Variants in STARD13 observed in about 807,000 individuals in gnomAD.
STARD13 encodes stAR-related lipid transfer protein 13.
A neutral mutation model predicts 106.4 loss-of-function variants in STARD13; 62 were observed. The ratio of observed to expected loss-of-function variants is 0.58; its 90% CI spans 0.48 to 0.72. STARD13 has a LOEUF of 0.72. STARD13 is among the 30% of genes least tolerant of loss of function. The pLI, the probability that STARD13 is intolerant of heterozygous loss-of-function variation, is 0.00. For synonymous variants in STARD13, 565 were observed against 553.0 expected (o/e 1.02, Z -0.31); for missense variants, 1,387 against 1,424.0 (o/e 0.97, Z 0.42).
chr13:33,601,189 T>C, the STARD13 span, among the ~76,000 whole-genome samples: 1 of 152,214 alleles, frequency 6.6e-6, no homozygotes, highest in East Asian at 1.9e-4. Flanking sequence ...AACCATTTTT[T>C]TTCCAGGTTT....
At chr13:33,513,202 G>C in the STARD13 span, among the ~76,000 whole-genome samples, 1 of 152,190 alleles carries the variant, frequency 6.6e-6, no homozygotes, top group Middle Eastern at 3.4e-3. Context: ...AGGCATATGA[G>C]GTTTATTCTC....
At chr13:33,107,335 T>C (rs1016403438) in intron 12 of STARD13, among the ~76,000 whole-genome samples, 1 of 152,040 alleles carries the variant, frequency 6.6e-6, no homozygotes. Context: ...ACCAAGGACA[T>C]AAAGATATAC....
At chr13:33,474,164 T>C in the STARD13 span, among the ~76,000 whole-genome samples, 2 of 152,292 alleles carry the variant, frequency 1.3e-5, no homozygotes, top group South Asian at 2.1e-4. Flanking sequence ...GAAAGCAAGA[T>C]GGAGTTCCAC....
At chr13:33,616,106 T>C in the STARD13 span, among the ~76,000 whole-genome samples, 1 of 149,488 alleles carries the variant, frequency 6.7e-6, no homozygotes, top group African/African-American at 2.5e-5. Context: ...TTAGATTTGC[T>C]TAAAAAAGAA....
chr13:33,413,708 A>T, the STARD13 span, among the ~76,000 whole-genome samples: 8 of 152,166 alleles, frequency 5.3e-5, no homozygotes, highest in Non-Finnish European at 1.2e-4. Flanking sequence ...ATGAGCAGAC[A>T]TTTCACTGAA....
chr13:33,288,171 G>A (rs1213193349), upstream of STARD13, among the ~76,000 whole-genome samples: 2 of 151,894 alleles, frequency 1.3e-5, no homozygotes, highest in Non-Finnish European at 2.9e-5. Flanking sequence ...TGAAAGTGCT[G>A]GGGTGTCTGG....
chr13:33,455,774 C>A, the STARD13 span, among the ~76,000 whole-genome samples: 8 of 151,684 alleles, frequency 5.3e-5, no homozygotes, highest in Middle Eastern at 3.4e-3. Flanking sequence ...ACTAAAAAAA[C>A]AACAACAACA....
chr13:33,278,131 C>G (rs1478564325), intron 1 of STARD13, among the ~76,000 whole-genome samples: 1 of 152,238 alleles, frequency 6.6e-6, no homozygotes, highest in East Asian at 1.9e-4. Flanking sequence ...TGTGACTTCC[C>G]AGTATCCTGT....
At chr13:33,194,007 GT>G (rs5802672) in intron 1 of STARD13, among the ~76,000 whole-genome samples, 30,224 of 152,010 alleles carry the variant, frequency 0.2, 3,801 homozygotes, top group South Asian at 0.36. Flanking sequence ...TTTTCAGGTT[GT>G]TTTTTTCCTG....
downstream of STARD13, among the ~76,000 whole-genome samples, chr13:33,347,599 G>A (rs2078031295): frequency 1.3e-5 from 2 of 152,120 alleles, no homozygotes; most frequent in South Asian, 2.1e-4. Context: ...TTGCCATTGT[G>A]TTACAATTGC....
chr13:33,638,340 G>A, the STARD13 span, among the ~76,000 whole-genome samples: 1,155 of 152,242 alleles, frequency 7.6e-3, 15 homozygotes, highest in African/African-American at 0.027. Context: ...TAAGACATAA[G>A]TGAGACATAA....
the STARD13 span, among the ~76,000 whole-genome samples, chr13:33,546,350 G>A: frequency 1.3e-5 from 2 of 152,016 alleles, no homozygotes; most frequent in Admixed American, 1.3e-4. Flanking sequence ...GCTTTTTGGC[G>A]GTTTATTTGC....
At chr13:33,264,686 A>G (rs1250465337) in intron 1 of STARD13, among the ~76,000 whole-genome samples, 1 of 152,164 alleles carries the variant, frequency 6.6e-6, no homozygotes, top group Non-Finnish European at 1.5e-5. Flanking sequence ...CTCCTTTGAG[A>G]AGCCTGGAAA....
At chr13:33,534,941 G>A in the STARD13 span, among the ~76,000 whole-genome samples, 8 of 152,116 alleles carry the variant, frequency 5.3e-5, no homozygotes, top group Admixed American at 2.6e-4. Flanking sequence ...GAACCGGGCC[G>A]TTTGTGGCTC....
intron 4 of STARD13, among the ~76,000 whole-genome samples, chr13:33,135,939 A>C (rs968765361): frequency 1.3e-5 from 2 of 152,162 alleles, no homozygotes; most frequent in African/African-American, 4.8e-5. Context: ...CCTGACCAAC[A>C]TGGTGAAACC....
At chr13:33,499,338 A>C in the STARD13 span, among the ~76,000 whole-genome samples, 1 of 152,116 alleles carries the variant, frequency 6.6e-6, no homozygotes, top group Non-Finnish European at 1.5e-5. Context: ...AAATAACATA[A>C]ATTTATTTCT....
At chr13:33,400,581 C>T in the STARD13 span, among the ~76,000 whole-genome samples, 1 of 152,244 alleles carries the variant, frequency 6.6e-6, no homozygotes, top group South Asian at 2.1e-4. Context: ...CCACCTCAGC[C>T]TCCCGGGTTG....
intron 1 of STARD13, among the ~76,000 whole-genome samples, chr13:33,225,764 C>A (rs7318080): frequency 0.1 from 15,413 of 150,926 alleles, 1,055 homozygotes; most frequent in African/African-American, 0.2. Context: ...AAAAAAAAAA[C>A]AACTCTTCGT....
In STARD13 at chr13:33,110,870, T is replaced by A. The variant is rs1276633378; in HGVS notation, c.2645A>T (p.Tyr882Phe). Residue 882 changes from tyrosine (Y) to phenylalanine (F), a missense_variant, in exon 11 of 14, where the codon TAT becomes TTT. Tyr to Phe is a conservative substitution (Grantham distance 22). Coordinates refer to ENST00000336934, the MANE Select transcript of STARD13 (RefSeq NM_178006.4). Reference protein sequence around the residue: ...HELVAQSRNSYVEAEIHVPTL... With the variant: ...HELVAQSRNSFVEAEIHVPTL... ...TGGCACGTGGATCTCAGCCTCCACA[T>A]ACGAGTTACGAGACTGGGCCACCAA... The A allele has an allele frequency of 6.2e-7, 1 of 1,613,500 alleles. No individual in the cohort carries two copies. Among genetic ancestry groups the A allele is most frequent in the Non-Finnish European group, 8.5e-7 (1 of 1,180,038 alleles).
Sources: gnomAD v4.1 joint callset for allele counts (sites outside exome capture counted in the v4.1 genomes callset) on GRCh38, gnomAD v4.1.1 for gene constraint, MANE v1.5 for transcripts, NCBI Gene and HGNC (gene_info 2026-07-23, HGNC 2026-07-21) for gene names.